The following NAALADL2 variants were observed in gnomAD, a reference collection of about 807,000 sequenced individuals.
NAALADL2 encodes N-acetylated alpha-linked acidic dipeptidase like 2.
NAALADL2 carries 76 observed loss-of-function variants against 87.2 expected under a neutral mutation model. The observed-to-expected ratio is 0.87, with a 90% CI of 0.72 to 1.05. NAALADL2 has a LOEUF of 1.05. NAALADL2 is among the 50% of genes least tolerant of loss of function. The pLI, the probability that NAALADL2 is intolerant of heterozygous loss-of-function variation, is 0.00. For synonymous variants in NAALADL2, 354 were observed against 331.0 expected, an observed-to-expected ratio of 1.07 and a Z score of -0.75; for missense variants, 1,089 against 945.8, an observed-to-expected ratio of 1.15 and a Z score of -1.99.
intron 4 of NAALADL2, among the ~76,000 whole-genome samples, chr3:175,291,263 G>A (rs1487993457): frequency 6.6e-6 from 1 of 152,118 alleles, no homozygotes; most frequent in Admixed American, 6.5e-5. Context: ...AGAGTTCACT[G>A]AATGTTTCTT....
intron 3 of NAALADL2, among the ~76,000 whole-genome samples, chr3:174,811,866 G>A (rs1271860369): frequency 3.3e-5 from 5 of 152,122 alleles, no homozygotes; most frequent in Admixed American, 2.0e-4. Context: ...GATCATGGGG[G>A]GTGGATCCTT....
At chr3:175,637,164 C>T (rs192915640) in intron 11 of NAALADL2, among the ~76,000 whole-genome samples, 1 of 152,354 alleles carries the variant, frequency 6.6e-6, no homozygotes, top group East Asian at 1.9e-4. Context: ...AAATATTCTT[C>T]AGCTTTGCTG....
At chr3:175,387,634 A>G (rs979825494) in intron 5 of NAALADL2, among the ~76,000 whole-genome samples, 2 of 152,164 alleles carry the variant, frequency 1.3e-5, no homozygotes, top group African/African-American at 4.8e-5. Flanking sequence ...ATGTAAAAGA[A>G]TAAAACAAAA....
At chr3:175,262,409 C>G (rs932783074) in intron 4 of NAALADL2, among the ~76,000 whole-genome samples, 1 of 151,934 alleles carries the variant, frequency 6.6e-6, no homozygotes, top group Non-Finnish European at 1.5e-5. Context: ...CCAACATTTG[C>G]TCTACTTTTC....
At chr3:175,032,858 G>A (rs1196822173) in intron 1 of NAALADL2, among the ~76,000 whole-genome samples, 1 of 151,910 alleles carries the variant, frequency 6.6e-6, no homozygotes, top group African/African-American at 2.4e-5. Flanking sequence ...AGTGGATGGA[G>A]TTTTATTTTT....
chr3:175,638,879 G>A (rs1040632645), intron 11 of NAALADL2, among the ~76,000 whole-genome samples: 1 of 152,050 alleles, frequency 6.6e-6, no homozygotes, highest in Admixed American at 6.6e-5. Context: ...CCCTGCCAAC[G>A]TCCAACACTT....
chr3:174,699,949 A>T (rs563056459), intron 2 of NAALADL2, among the ~76,000 whole-genome samples: 20 of 150,018 alleles, frequency 1.3e-4, no homozygotes, highest in Non-Finnish European at 2.1e-4. Context: ...AGTTTCTGGG[A>T]AGGTCAGATT....
intron 2 of NAALADL2, among the ~76,000 whole-genome samples, chr3:174,577,453 GTGGTTTGC>G: frequency 6.6e-6 from 1 of 152,086 alleles, no homozygotes; most frequent in East Asian, 1.9e-4. Context: ...TTGCATTTGT[GTGGTTTGC>G]CACCCAATGA....
intron 2 of NAALADL2, among the ~76,000 whole-genome samples, chr3:174,632,975 C>T (rs1722286173): frequency 6.7e-6 from 1 of 148,538 alleles, no homozygotes; most frequent in Non-Finnish European, 1.5e-5. Context: ...AGAAAATCAG[C>T]GCAATTGCTG....
chr3:174,916,770 T>C (rs1348084111), intron 1 of NAALADL2, among the ~76,000 whole-genome samples: 1 of 152,128 alleles, frequency 6.6e-6, no homozygotes, highest in East Asian at 1.9e-4. Context: ...TAGTGTATAC[T>C]GCTCAAGTGA....
intron 3 of NAALADL2, among the ~76,000 whole-genome samples, chr3:174,807,276 A>G (rs773481343): frequency 3.3e-5 from 5 of 151,940 alleles, no homozygotes; most frequent in African/African-American, 4.8e-5. Context: ...TGTAGTTAAC[A>G]AAAATGTATA....
intron 11 of NAALADL2, among the ~76,000 whole-genome samples, chr3:175,630,292 T>C (rs1247177517): frequency 2.0e-5 from 3 of 151,866 alleles, no homozygotes; most frequent in Non-Finnish European, 4.4e-5. Flanking sequence ...GCATGGGTTT[T>C]AGTTCTATCT....
At chr3:174,539,549 C>T (rs755319379) in intron 1 of NAALADL2, among the ~76,000 whole-genome samples, 9 of 152,064 alleles carry the variant, frequency 5.9e-5, no homozygotes, top group African/African-American at 9.7e-5. Context: ...GCCTTTCTGG[C>T]GTTATTTCTT....
chr3:175,613,270 G>A (rs914474761), intron 10 of NAALADL2, among the ~76,000 whole-genome samples: 1 of 152,142 alleles, frequency 6.6e-6, no homozygotes, highest in Non-Finnish European at 1.5e-5. Context: ...CAAACTCCAT[G>A]TGAAAAGAAA....
At chr3:175,399,247 G>A (rs1007607299) in intron 5 of NAALADL2, among the ~76,000 whole-genome samples, 3 of 152,048 alleles carry the variant, frequency 2.0e-5, no homozygotes, top group Non-Finnish European at 4.4e-5. Context: ...TTGTTCTCAA[G>A]TTATTGGGAT....
chr3:174,609,361 A>C (rs1719522876), intron 2 of NAALADL2, among the ~76,000 whole-genome samples: 1 of 152,088 alleles, frequency 6.6e-6, no homozygotes, highest in South Asian at 2.1e-4. Context: ...TTAGGAAAAG[A>C]GGAAGTCAAA....
intron 3 of NAALADL2, among the ~76,000 whole-genome samples, chr3:175,252,815 C>T (rs533523139): frequency 6.6e-5 from 10 of 152,206 alleles, no homozygotes; most frequent in African/African-American, 1.9e-4. Flanking sequence ...TTTGAGTGAT[C>T]AGGATAGAAG....
chr3:175,400,814 G>T (rs185867926), intron 5 of NAALADL2, among the ~76,000 whole-genome samples: 1 of 151,976 alleles, frequency 6.6e-6, no homozygotes, highest in Non-Finnish European at 1.5e-5. Context: ...ATTTTCAACT[G>T]GGCCTAGACA....
At chr3:175,128,174 G>T (rs1452046260) in intron 2 of NAALADL2, among the ~76,000 whole-genome samples, 2 of 152,046 alleles carry the variant, frequency 1.3e-5, no homozygotes, top group Non-Finnish European at 2.9e-5. Context: ...ATAAATACAG[G>T]AGCATCTTGG....
Sources: allele counts gnomAD v4.1 joint callset (sites outside exome capture counted in the v4.1 genomes callset), GRCh38; gene constraint gnomAD v4.1.1; transcripts MANE v1.5; gene names NCBI Gene and HGNC (gene_info 2026-07-23, HGNC 2026-07-21).